The following PAFAH1B1 variants were observed in gnomAD, a reference collection of about 807,000 sequenced individuals.
PAFAH1B1 encodes the protein platelet-activating factor acetylhydrolase IB subunit beta.
Under a neutral mutation model 57.5 loss-of-function variants are expected in PAFAH1B1, and 2 were observed. That is an observed-to-expected ratio of 0.03 (90% CI 0.01 to 0.11). The LOEUF is 0.11. Ranked by LOEUF, PAFAH1B1 falls within the 10% of genes least tolerant of loss-of-function variation. The pLI is 1.00. For missense variants in PAFAH1B1, 257 were observed against 512.0 expected (o/e 0.50, Z 4.81); for synonymous variants, 152 against 169.6 (o/e 0.90, Z 0.81).
At chr17:2,656,113 A>T (rs1444455936) in intron 2 of PAFAH1B1, among the ~76,000 whole-genome samples, 1 of 151,986 alleles carries the variant, frequency 6.6e-6, no homozygotes, top group Non-Finnish European at 1.5e-5. Flanking sequence ...TTTAGTAGAG[A>T]CGGGGTTTCA....
At chr17:2,599,026 T>C (rs990913262) in intron 1 of PAFAH1B1, among the ~76,000 whole-genome samples, 15 of 152,222 alleles carry the variant, frequency 9.9e-5, no homozygotes, top group African/African-American at 3.6e-4. Flanking sequence ...TTTTAAAAGA[T>C]GGTGGCTTCT....
At chr17:2,648,945 T>A (rs915360298) in intron 2 of PAFAH1B1, among the ~76,000 whole-genome samples, 5 of 152,100 alleles carry the variant, frequency 3.3e-5, no homozygotes, top group African/African-American at 4.8e-5. Context: ...TTCCAGCTCA[T>A]GTAGTAAGGC....
At chr17:2,658,612 A>G (rs1294578519) in intron 2 of PAFAH1B1, among the ~76,000 whole-genome samples, 2 of 152,116 alleles carry the variant, frequency 1.3e-5, no homozygotes, top group African/African-American at 4.8e-5. Flanking sequence ...AGGCTAGTAT[A>G]CTGGGTACAG....
intron 2 of PAFAH1B1, among the ~76,000 whole-genome samples, chr17:2,661,344 T>G (rs1013974736): frequency 3.9e-5 from 6 of 152,206 alleles, no homozygotes; most frequent in African/African-American, 1.4e-4. Flanking sequence ...TTGTATAAGG[T>G]GTAAGGAAGG....
chr17:2,648,721 T>A (rs2068807529), intron 2 of PAFAH1B1, among the ~76,000 whole-genome samples: 2 of 144,294 alleles, frequency 1.4e-5, no homozygotes, highest in African/African-American at 2.6e-5. Context: ...TAACCCAAAA[T>A]ATAGAAAATG....
chr17:2,664,692 CTTTCTCTCT>C (rs2069078847), intron 2 of PAFAH1B1, among the ~76,000 whole-genome samples: 2 of 55,652 alleles, frequency 3.6e-5, no homozygotes, highest in African/African-American at 9.8e-5. Context: ...CTCTCTCTCT[CTTTCTCTCT>C]CCATCTATAA....
In PAFAH1B1 at chr17:2,667,136, C is replaced by A; in HGVS notation, c.337C>A (p.Arg113=). The change falls in exon 5 of 11, where the codon CGA becomes AGA. Residue 113 remains arginine (R), a synonymous_variant. Transcript: ENST00000397195. ...ALSGHRSPVT[R]VIFHPVFSVM... is the part of the protein sequence containing the mutation. Reference sequence around the variant, plus strand: ...GAGTGGTCACAGGAGTCCAGTCACTCGAGTCATTTTCCATCCTGTGTTCAG... The same window carrying A: ...GAGTGGTCACAGGAGTCCAGTCACTAGAGTCATTTTCCATCCTGTGTTCAG... The A allele has an allele frequency of 6.2e-7, 1 of 1,613,722 alleles. No homozygotes were observed. Among genetic ancestry groups the A allele is most frequent in the East Asian group, 2.2e-5 (1 of 44,872 alleles).
chr17:2,678,140 G>A (rs1412390327), intron 9 of PAFAH1B1, among the ~76,000 whole-genome samples: 1 of 151,328 alleles, frequency 6.6e-6, no homozygotes, highest in African/African-American at 2.4e-5. Flanking sequence ...GGTGGCTCAC[G>A]CCTGTAATCC....
intron 1 of PAFAH1B1, among the ~76,000 whole-genome samples, chr17:2,619,712 A>G (rs2068394051): frequency 6.6e-6 from 1 of 152,164 alleles, no homozygotes; most frequent in South Asian, 2.1e-4. Context: ...TTTCACATTT[A>G]AGTCTATTAT....
rs532101653 is a variant in PAFAH1B1 at position 2,641,902 on chromosome 17, T to C, written c.32+3582T>C. Reference sequence around the variant, plus strand: ...AAGTGTTTTCTCAGTCTTGGCACGATTGACATTTTGGGCCAAATAATTCCT... The same window carrying C: ...AAGTGTTTTCTCAGTCTTGGCACGACTGACATTTTGGGCCAAATAATTCCT... On this transcript the variant is annotated intron_variant, in intron 2 of 10. Coordinates refer to ENST00000397195, the MANE Select transcript of PAFAH1B1 (RefSeq NM_000430.4). 4.6e-5 allele frequency: 7 copies of C among 152,358 alleles called. No individual in the cohort carries two copies. In the South Asian group the frequency reaches 1.0e-3, roughly 23 times the overall value. The allele number at this position is 152,358 out of a possible 1,614,324, so 9.4% of individuals were successfully genotyped here.
At chr17:2,649,175 C>T (rs575831035) in intron 2 of PAFAH1B1, among the ~76,000 whole-genome samples, 3 of 150,102 alleles carry the variant, frequency 2.0e-5, no homozygotes, top group East Asian at 3.9e-4. Flanking sequence ...CGAGATCATG[C>T]CACTGCACTC....
At chr17:2,667,329 GTC>G in intron 5 of PAFAH1B1, 131 bp downstream of exon 5, 1 of 652,758 alleles carries the variant, frequency 1.5e-6, no homozygotes, top group Non-Finnish European at 2.7e-6. Flanking sequence ...GCCACACTCT[GTC>G]TCAAAAAAAA....
At chr17:2,619,536 G>GTTTTTTTTTT (rs774865216) in intron 1 of PAFAH1B1, among the ~76,000 whole-genome samples, 5 of 45,952 alleles carry the variant, frequency 1.1e-4, no homozygotes, top group Non-Finnish European at 3.2e-4. Flanking sequence ...GCCCTTACCT[G>GTTTTTTTTTT]TTTTTTTTTT....
At chr17:2,666,891 T>G in intron 4 of PAFAH1B1, 101 bp from the exon 5 acceptor site, 1 of 750,130 alleles carries the variant, frequency 1.3e-6, no homozygotes, top group South Asian at 1.6e-5. Flanking sequence ...TTTTTTCAAG[T>G]ATCCTACATA....
intron 1 of PAFAH1B1, among the ~76,000 whole-genome samples, chr17:2,594,450 C>A (rs1387317696): frequency 6.6e-6 from 1 of 152,230 alleles, no homozygotes; most frequent in Non-Finnish European, 1.5e-5. Context: ...GCCGCGGAGA[C>A]GAGCACCGCA....
At chr17:2,648,048 C>G (rs2068792120) in intron 2 of PAFAH1B1, among the ~76,000 whole-genome samples, 3 of 152,046 alleles carry the variant, frequency 2.0e-5, no homozygotes, top group Non-Finnish European at 2.9e-5. Flanking sequence ...GTTTAATTGA[C>G]TCACAGTTCA....
chr17:2,652,866 C>T (rs2068882781), intron 2 of PAFAH1B1, among the ~76,000 whole-genome samples: 1 of 152,120 alleles, frequency 6.6e-6, no homozygotes, highest in South Asian at 2.1e-4. Flanking sequence ...GTGGCGATTC[C>T]TCAGGGATCT....
At chr17:2,662,378 TTGTGTGTGTGTGTGTGTGTGTGTGTGTG>T (rs57918293) in intron 2 of PAFAH1B1, among the ~76,000 whole-genome samples, 1 of 123,696 alleles carries the variant, frequency 8.1e-6, no homozygotes. Context: ...TTTAACCTCT[TTGTGTGTGTGTGTGTGTGTGTGTGTGTG>T]TGTGTGTGTG....
intron 2 of PAFAH1B1, among the ~76,000 whole-genome samples, chr17:2,654,412 G>A (rs1203288699): frequency 1.3e-5 from 2 of 149,932 alleles, no homozygotes; most frequent in African/African-American, 2.5e-5. Flanking sequence ...CTGACCTCAG[G>A]TGATCGCCCG....
Sources: allele counts gnomAD v4.1 joint callset (sites outside exome capture counted in the v4.1 genomes callset), GRCh38; gene constraint gnomAD v4.1.1; transcripts MANE v1.5; gene names NCBI Gene and HGNC (gene_info 2026-07-23, HGNC 2026-07-21).